LHFPL2: variants seen among roughly 807,000 people sequenced by gnomAD.
The protein encoded by LHFPL2 is LHFPL tetraspan subfamily member 2 protein.
LHFPL2 carries 7 observed loss-of-function variants against 17.5 expected under a neutral mutation model. That is an observed-to-expected ratio of 0.40 (90% CI 0.23 to 0.75). The LOEUF (loss-of-function observed/expected upper bound fraction) is 0.75, where lower values mean the gene tolerates loss of function less well. LHFPL2 is among the 30% of genes least tolerant of loss of function. The pLI is 0.37. For synonymous variants in LHFPL2, 134 were observed against 116.2 expected, an observed-to-expected ratio of 1.15 and a Z score of -0.99; for missense variants, 241 against 294.8, an observed-to-expected ratio of 0.82 and a Z score of 1.34.
At chr5:78,549,653 G>C (rs995265259) in intron 3 of LHFPL2, among the ~76,000 whole-genome samples, 2 of 152,204 alleles carry the variant, frequency 1.3e-5, no homozygotes, top group Non-Finnish European at 2.9e-5. Context: ...TCAGGAGTAA[G>C]TTTATAGAGG....
intron 3 of LHFPL2, among the ~76,000 whole-genome samples, chr5:78,564,462 A>C (rs1349349197): frequency 6.6e-6 from 1 of 152,210 alleles, no homozygotes; most frequent in Non-Finnish European, 1.5e-5. Context: ...GAGAAATGAT[A>C]AAAATGATGA....
chr5:78,557,507 G>A (rs1301301649), intron 3 of LHFPL2, among the ~76,000 whole-genome samples: 1 of 152,208 alleles, frequency 6.6e-6, no homozygotes, highest in Non-Finnish European at 1.5e-5. Flanking sequence ...AATGAAGCAA[G>A]GAGGCAGAAT....
intron 3 of LHFPL2, among the ~76,000 whole-genome samples, chr5:78,517,413 C>A (rs1975049): frequency 0.41 from 62,717 of 152,004 alleles, 13,374 homozygotes; most frequent in African/African-American, 0.51. Flanking sequence ...TTCTAGAGGC[C>A]ATTTTCACCC....
intron 2 of LHFPL2, among the ~76,000 whole-genome samples, chr5:78,565,499 A>T (rs1756835808): frequency 1.3e-5 from 2 of 152,244 alleles, no homozygotes; most frequent in South Asian, 4.1e-4. Flanking sequence ...CCTTTAGAAA[A>T]TTATAAGCCT....
chr5:78,521,377 T>C (rs1299518251), intron 3 of LHFPL2, among the ~76,000 whole-genome samples: 1 of 152,216 alleles, frequency 6.6e-6, no homozygotes, highest in Non-Finnish European at 1.5e-5. Flanking sequence ...TAAAATGTCT[T>C]GTTTTGTTAT....
chr5:78,572,053 G>C (rs76158155), intron 2 of LHFPL2, among the ~76,000 whole-genome samples: 1 of 152,324 alleles, frequency 6.6e-6, no homozygotes, highest in East Asian at 1.9e-4. Flanking sequence ...GGGGGGAAAG[G>C]AGATCAGACG....
intron 2 of LHFPL2, among the ~76,000 whole-genome samples, chr5:78,583,925 A>G (rs1398421585): frequency 6.6e-6 from 1 of 151,748 alleles, no homozygotes; most frequent in African/African-American, 2.4e-5. Context: ...TACACCAATC[A>G]GACGTAGATT....
At chr5:78,532,976 C>T (rs753463932) in intron 3 of LHFPL2, among the ~76,000 whole-genome samples, 10 of 152,228 alleles carry the variant, frequency 6.6e-5, no homozygotes, top group Non-Finnish European at 2.9e-5. Flanking sequence ...ACAACCCTGT[C>T]GTGCTGCAGA....
intron 1 of LHFPL2, among the ~76,000 whole-genome samples, chr5:78,642,747 T>G (rs151058558): frequency 3.3e-5 from 5 of 152,158 alleles, no homozygotes; most frequent in African/African-American, 1.2e-4. Flanking sequence ...TAGTTCAGTT[T>G]TGGATTCAAC....
chr5:78,586,412 T>G lies in LHFPL2; in HGVS notation c.-244-21541A>C, dbSNP rs368060375. On this transcript the variant is annotated intron_variant, in intron 2 of 4. Transcript: ENST00000380345. ...TATCCCATCTGGCTTTCCAGAAGAC[T>G]GGGTAGAATATAGGAACAGTCATGT... Among the ~76,000 whole-genome samples the G allele has an allele frequency of 5.3e-5, 8 of 152,350 alleles. 1 individual carries two copies. Among genetic ancestry groups the G allele is most frequent in the African/African-American group, 1.9e-4 (8 of 41,582 alleles).
In LHFPL2 at chr5:78,615,293, A is replaced by G. The variant is rs142120963; in HGVS notation, c.-245+16971T>C. Among the ~76,000 whole-genome samples, 1,005 of 152,318 alleles carry G rather than the reference A, an allele frequency of 6.6e-3. 7 individuals are homozygous for G. Among genetic ancestry groups the G allele is most frequent in the African/African-American group, 0.023 (936 of 41,570 alleles). ...TAAACAGAAGACGAAATCAAAAGGC[A>G]GCAAGAAAATTTATGCAAGAAATAC... is the stretch of plus-strand genomic sequence containing the variant. On this transcript the variant is annotated intron_variant, in intron 2 of 4. Transcript: ENST00000380345.
At chr5:78,489,257 C>T (rs1754358260) in intron 4 of LHFPL2, 104 bp from the exon 5 acceptor site, 2 of 1,290,406 alleles carry the variant, frequency 1.5e-6, no homozygotes, top group South Asian at 2.7e-5. Context: ...GCAAGGGCAT[C>T]TATTCTGCAA....
chr5:78,580,370 C>T (rs372264806), intron 2 of LHFPL2, among the ~76,000 whole-genome samples: 6 of 152,048 alleles, frequency 3.9e-5, no homozygotes, highest in South Asian at 2.1e-4. Flanking sequence ...TTTGTCAATT[C>T]TGGCTTTTGT....
At chr5:78,615,627 TCGTGAG>T (rs1744574324) in intron 2 of LHFPL2, among the ~76,000 whole-genome samples, 1 of 152,206 alleles carries the variant, frequency 6.6e-6, no homozygotes, top group Non-Finnish European at 1.5e-5. Context: ...GATAGAAGCA[TCGTGAG>T]AAGCCCTTTC....
At chr5:78,617,613 C>T (rs893264087) in intron 2 of LHFPL2, among the ~76,000 whole-genome samples, 1 of 151,856 alleles carries the variant, frequency 6.6e-6, no homozygotes, top group Non-Finnish European at 1.5e-5. Context: ...TAGGACAAGC[C>T]GATCTCATCT....
At chr5:78,634,356 G>A (rs1745356311) in intron 1 of LHFPL2, among the ~76,000 whole-genome samples, 1 of 152,226 alleles carries the variant, frequency 6.6e-6, no homozygotes, top group Admixed American at 6.5e-5. Context: ...GTCATGCGTG[G>A]TATGGGGGCA....
At chr5:78,557,394 C>T (rs1381326074) in intron 3 of LHFPL2, among the ~76,000 whole-genome samples, 5 of 152,210 alleles carry the variant, frequency 3.3e-5, no homozygotes, top group Admixed American at 2.6e-4. Flanking sequence ...CATGAAAGCA[C>T]TTGACCACCA....
chr5:78,647,737 T>C (rs1747479759), intron 1 of LHFPL2, among the ~76,000 whole-genome samples: 1 of 151,790 alleles, frequency 6.6e-6, no homozygotes, highest in African/African-American at 2.4e-5. Context: ...CTCATGACCA[T>C]CCTGAAATAA....
intron 4 of LHFPL2, among the ~76,000 whole-genome samples, chr5:78,506,751 G>C (rs1432389970): frequency 6.6e-6 from 1 of 152,210 alleles, no homozygotes; most frequent in African/African-American, 2.4e-5. Context: ...TGCTAGGCTG[G>C]AAGGAGAAAA....
Sources: gnomAD v4.1 joint callset for allele counts (sites outside exome capture counted in the v4.1 genomes callset) on GRCh38, gnomAD v4.1.1 for gene constraint, MANE v1.5 for transcripts, NCBI Gene and HGNC (gene_info 2026-07-23, HGNC 2026-07-21) for gene names.